The following ELMO1 variants were observed in gnomAD, a reference collection of about 807,000 sequenced individuals.
The protein encoded by ELMO1 is engulfment and cell motility protein 1.
In ELMO1, 26 loss-of-function variants were observed where a neutral mutation model predicts 98.9. The ratio of observed to expected loss-of-function variants is 0.26; its 90% CI spans 0.19 to 0.36. The LOEUF is 0.36. ELMO1 is among the 10% of genes least tolerant of loss of function. The pLI, the probability that ELMO1 is intolerant of heterozygous loss-of-function variation, is 1.00. For missense variants in ELMO1, 627 were observed against 935.2 expected (o/e 0.67, Z 4.30); for synonymous variants, 346 against 346.0 (o/e 1.00, Z 0.00).
chr7:37,086,758 AAAAAAAAG>A (rs1478480786), intron 15 of ELMO1, among the ~76,000 whole-genome samples: 1 of 149,162 alleles, frequency 6.7e-6, no homozygotes, highest in Non-Finnish European at 1.5e-5. Flanking sequence ...AAAAAAAAAA[AAAAAAAAG>A]AAATCTTTGA....
At chr7:37,315,067 A>G (rs1799083243) in intron 3 of ELMO1, 145 bp from the exon 4 acceptor site, 6 of 676,792 alleles carry the variant, frequency 8.9e-6, no homozygotes, top group Non-Finnish European at 9.8e-6. Flanking sequence ...CCTAAAGCAA[A>G]ATGACTTTAG....
chr7:37,096,611 A>G lies in ELMO1; in HGVS notation c.1300+8T>C, dbSNP rs778199898. On this transcript the variant is annotated splice_region_variant and intron_variant, in intron 15 of 21. Coordinates refer to ENST00000310758, the MANE Select transcript of ELMO1 (RefSeq NM_014800.11). ...CTTCACACCCATGTGGGAAATAAGT[A>G]TACTTACGCAACTCGCCCACTTTCA... 7.4e-6 allele frequency: 12 copies of G among 1,613,176 alleles called. No homozygotes were observed. In the African/African-American group the frequency reaches 1.3e-4, roughly 18 times the overall value.
intron 2 of ELMO1, among the ~76,000 whole-genome samples, chr7:37,335,644 C>T (rs933309887): frequency 1.5e-4 from 23 of 152,298 alleles, no homozygotes; most frequent in African/African-American, 5.5e-4. Context: ...AAAGGTGCTG[C>T]AGCAGGAGTG....
chr7:37,103,985 T>C (rs1244817030), intron 14 of ELMO1, among the ~76,000 whole-genome samples: 1 of 111,544 alleles, frequency 9.0e-6, no homozygotes, highest in African/African-American at 3.4e-5. Context: ...CACTCCAGCC[T>C]GGGTGAGAGA....
At chr7:37,137,089 C>T (rs978019349) in intron 13 of ELMO1, among the ~76,000 whole-genome samples, 2 of 152,044 alleles carry the variant, frequency 1.3e-5, no homozygotes, top group Admixed American at 1.3e-4. Context: ...ATATTCCATG[C>T]AAATGGACAA....
chr7:37,285,455 T>A (rs1797344501), intron 4 of ELMO1, among the ~76,000 whole-genome samples: 1 of 152,160 alleles, frequency 6.6e-6, no homozygotes, highest in African/African-American at 2.4e-5. Context: ...AAGCAAATTA[T>A]GGTAAGGCAG....
In ELMO1 at chr7:37,389,200, T is replaced by C. The variant is rs73348033; in HGVS notation, c.-73-46437A>G. On this transcript the variant is annotated intron_variant, in intron 1 of 21. Transcript: ENST00000310758. ...ATGGCTGTGCCCTGTTATCTGTACC[T>C]TGTCACTTTAATTCAGCACAACCCA... 2.9e-3 allele frequency among the ~76,000 whole-genome samples: 448 copies of C among 152,326 alleles called. 6 individuals carry two copies. Among genetic ancestry groups the C allele is most frequent in the Middle Eastern group, 0.01 (3 of 294 alleles).
chr7:37,212,745 C>T (rs527633282), intron 12 of ELMO1, among the ~76,000 whole-genome samples: 2 of 152,308 alleles, frequency 1.3e-5, no homozygotes, highest in African/African-American at 2.4e-5. Flanking sequence ...AAATGTGCTA[C>T]GGCAGGGCTC....
chr7:37,284,843 C>A (rs1797312088), intron 4 of ELMO1, among the ~76,000 whole-genome samples: 1 of 152,042 alleles, frequency 6.6e-6, no homozygotes, highest in Non-Finnish European at 1.5e-5. Context: ...AACTCAAAAC[C>A]ATTCTTGGCC....
At chr7:36,943,747 C>T (rs748373692) in intron 16 of ELMO1, among the ~76,000 whole-genome samples, 1 of 152,184 alleles carries the variant, frequency 6.6e-6, no homozygotes, top group Non-Finnish European at 1.5e-5. Flanking sequence ...CTTTTGTTTT[C>T]AATTGCAGAA....
intron 16 of ELMO1, among the ~76,000 whole-genome samples, chr7:36,912,580 A>G (rs1355069745): frequency 6.6e-6 from 1 of 152,242 alleles, no homozygotes; most frequent in Non-Finnish European, 1.5e-5. Flanking sequence ...TCAGGTATCT[A>G]CTTACCTGTA....
Position 36,894,974 on chromosome 7 carries a change from G to A in ELMO1, c.1481C>T (p.Thr494Ile), listed in dbSNP as rs1278359842. 1 of 1,614,080 alleles carries A rather than the reference G, an allele frequency of 6.2e-7. No homozygotes were observed. Among genetic ancestry groups the A allele is most frequent in the Non-Finnish European group, 8.5e-7 (1 of 1,180,010 alleles). ...GAACTGGTCCAGGGAGCTAGGCTTGGTTGTAAGTGCTCTCATAACCTGCTC... is the reference window on the plus strand; with the variant it reads ...GAACTGGTCCAGGGAGCTAGGCTTGATTGTAAGTGCTCTCATAACCTGCTC... Reference protein sequence around the residue: ...VKEQVMRALTTKPSSLDQFKS... With the variant: ...VKEQVMRALTIKPSSLDQFKS... The change falls in exon 17 of 22, where the codon ACC (threonine) becomes ATC (isoleucine). Residue 494 changes from threonine (T) to isoleucine (I), a missense_variant. By Grantham distance (89) the Thr-to-Ile change is moderately conservative. Around this residue, in one of 3 missense-constraint regions of ELMO1, gnomAD observed 492 missense variants for 715.6 expected, o/e 0.69. Coordinates refer to ENST00000310758, the MANE Select transcript of ELMO1 (RefSeq NM_014800.11).
intron 16 of ELMO1, chr7:36,985,817 T>C (rs781629229): frequency 1.3e-5 from 10 of 763,538 alleles, no homozygotes; most frequent in Non-Finnish European, 1.6e-5. Flanking sequence ...CGCTCCTCCA[T>C]GTGCTTGTTC....
chr7:37,259,487 A>C, intron 5 of ELMO1, 137 bp from the exon 6 acceptor site: 78 of 941,636 alleles, frequency 8.3e-5, no homozygotes, highest in Non-Finnish European at 1.1e-4. Flanking sequence ...TGGGCATCTC[A>C]ACGACAGGCT....
intron 15 of ELMO1, among the ~76,000 whole-genome samples, chr7:37,036,977 G>A (rs1415135420): frequency 1.3e-5 from 2 of 152,202 alleles, no homozygotes; most frequent in Admixed American, 6.5e-5. Flanking sequence ...ACAGGAGAAT[G>A]AAGTGGCCAG....
At chr7:37,069,750 C>A (rs1475988540) in intron 15 of ELMO1, among the ~76,000 whole-genome samples, 2 of 152,024 alleles carry the variant, frequency 1.3e-5, no homozygotes, top group Non-Finnish European at 2.9e-5. Context: ...ATAAACTTTG[C>A]TAGAATGTTC....
intron 15 of ELMO1, among the ~76,000 whole-genome samples, chr7:37,016,578 A>G (rs1037521433): frequency 6.6e-6 from 1 of 152,010 alleles, no homozygotes; most frequent in African/African-American, 2.4e-5. Context: ...TCCTCCTTCA[A>G]CATAAACCCA....
At chr7:37,377,150 C>T (rs778862626) in intron 1 of ELMO1, among the ~76,000 whole-genome samples, 57 of 152,152 alleles carry the variant, frequency 3.7e-4, no homozygotes, top group Admixed American at 1.6e-3. Flanking sequence ...GAGAGTATTA[C>T]GCCACATATT....
intron 16 of ELMO1, among the ~76,000 whole-genome samples, chr7:36,948,085 G>T (rs1337249294): frequency 1.3e-5 from 2 of 152,216 alleles, no homozygotes; most frequent in African/African-American, 2.4e-5. Flanking sequence ...TGCTCAATAA[G>T]TGTAGTTTGA....
Sources: gnomAD v4.1 joint callset for allele counts (sites outside exome capture counted in the v4.1 genomes callset) on GRCh38, gnomAD v4.1.1 for gene constraint, gnomAD v4.1.1 regional missense constraint, MANE v1.5 for transcripts, NCBI Gene and HGNC (gene_info 2026-07-23, HGNC 2026-07-21) for gene names.